RCCD1: variants seen among roughly 807,000 people sequenced by gnomAD.
RCCD1 encodes the protein RCC1 domain containing 1.
Under a neutral mutation model 37.6 loss-of-function variants are expected in RCCD1, and 40 were observed. That is an observed-to-expected ratio of 1.06 (90% CI 0.83 to 1.39). The LOEUF is 1.39. Ranked by LOEUF, RCCD1 falls within the 40% of genes most tolerant of loss-of-function variation. The probability of loss-of-function intolerance (pLI) is 0.00; values close to 1 mark genes in which losing one functional copy is unlikely to be tolerated. For missense variants in RCCD1, 577 were observed against 517.3 expected (o/e 1.12, Z -1.12); for synonymous variants, 263 against 230.0 (o/e 1.14, Z -1.30).
intron 5 of RCCD1, 93 bp from the exon 6 acceptor site, chr15:90,960,235 G>A: frequency 8.4e-6 from 11 of 1,309,998 alleles, no homozygotes; most frequent in Non-Finnish European, 1.2e-5. Context: ...AGGCAGTCGT[G>A]TACCTCAGAG....
intron 4 of RCCD1, 50 bp downstream of exon 4, chr15:90,957,775 TTCC>T: frequency 6.5e-7 from 1 of 1,542,140 alleles, no homozygotes; most frequent in Non-Finnish European, 8.8e-7. Flanking sequence ...TGTGCAAACC[TTCC>T]TCCTCGTTTT....
At chr15:90,957,090 C>T (rs2037211918) in intron 2 of RCCD1, 23 bp from the exon 3 acceptor site, 6 of 1,337,982 alleles carry the variant, frequency 4.5e-6, no homozygotes, top group South Asian at 4.0e-5. Context: ...ATTCTGGCCA[C>T]CCTGCTCCAA....
At chr15:90,960,047 C>A in intron 5 of RCCD1, 49 bp downstream of exon 5, 1 of 1,427,800 alleles carries the variant, frequency 7.0e-7, no homozygotes, top group South Asian at 1.2e-5. Context: ...ATGTGGCTGT[C>A]ATTCCTAACT....
chr15:90,959,736 T>G, intron 4 of RCCD1, 164 bp from the exon 5 acceptor site: 1 of 522,798 alleles, frequency 1.9e-6, no homozygotes, highest in Non-Finnish European at 3.4e-6. Flanking sequence ...GATGTGAACC[T>G]AAGACAAGCC....
In RCCD1 at chr15:90,962,967, A is replaced by G. The variant is rs1283061440; in HGVS notation, c.*1198A>G. 6.6e-6 allele frequency: 1 copy of G among 152,206 alleles called. No homozygotes were observed. The highest frequency in any genetic ancestry group is 2.4e-5 in the African/African-American group (1 of 41,450). 9.4% of individuals were successfully genotyped at this position (152,206 alleles called of 1,614,324 possible). A position where few individuals can be genotyped will look rare whatever the true frequency, so the allele number is the denominator to read the frequency against. On this transcript the variant is annotated 3_prime_UTR_variant, in exon 8 of 8. Transcript: ENST00000394258. ...CAACTTATTTTGATAAAATAAGCTTATCAGTAGTTTTCTTTATAGTTAAAT... is the reference window on the plus strand; with the variant it reads ...CAACTTATTTTGATAAAATAAGCTTGTCAGTAGTTTTCTTTATAGTTAAAT...
chr15:90,957,303 C>T lies in RCCD1; in HGVS notation c.357C>T (p.Ala119=). 30 of 1,534,584 alleles carry T rather than the reference C, an allele frequency of 2.0e-5. No homozygotes were observed. Among genetic ancestry groups the T allele is most frequent in the Non-Finnish European group, 2.5e-5 (29 of 1,138,110 alleles). The change falls in exon 3 of 8, where the codon GCC becomes GCT. Residue 119 remains alanine (A), a synonymous_variant. Coordinates refer to ENST00000394258, the MANE Select transcript of RCCD1 (RefSeq NM_001017919.2). ...PLWAQNVVPE[A]EGEDDPAGEA... is the part of the protein sequence containing the mutation. Reference sequence around the variant, plus strand: ...GGGCCCAGAATGTGGTGCCCGAGGCCGAAGGGGAAGACGATCCGGCCGGTG... The same window carrying T: ...GGGCCCAGAATGTGGTGCCCGAGGCTGAAGGGGAAGACGATCCGGCCGGTG...
At position 90,961,938 on chromosome 15, in the gene RCCD1, C is replaced by T; in HGVS notation, c.*169C>T. ...CTGCACTTTAGAAACACCTGGAGAG[C>T]ATTGAAAACTCTGCTGCCTAAGGTC... On this transcript the variant is annotated 3_prime_UTR_variant, in exon 8 of 8. Transcript: ENST00000394258. The T allele has an allele frequency of 3.9e-6, 2 of 513,640 alleles. No individual in the cohort carries two copies. The highest frequency in any genetic ancestry group is 6.7e-6 in the Non-Finnish European group (2 of 296,982). 31.8% of individuals were successfully genotyped at this position (513,640 alleles called of 1,614,324 possible).
At position 90,961,707 on chromosome 15, in the gene RCCD1, A is replaced by G. The variant is rs757941116; in HGVS notation, c.1069A>G (p.Lys357Glu). 5.0e-6 allele frequency: 8 copies of G among 1,614,082 alleles called. No homozygotes were observed. Among genetic ancestry groups the G allele is most frequent in the South Asian group, 4.4e-5 (4 of 91,088 alleles). Residue 357 changes from lysine (K) to glutamate (E), a missense_variant, in exon 8 of 8, where the codon AAG becomes GAG. Transcript: ENST00000394258. The part of the protein sequence containing the change: ...EYFVDKQLQV[K>E]AVTCGPWNTY... The stretch of plus-strand genomic sequence containing the variant: ...CTTTGTAGATAAGCAACTCCAAGTA[A>G]AGGCTGTCACCTGTGGGCCGTGGAA...
At chr15:90,961,320 T>TA (rs2037310368) in intron 7 of RCCD1, 1 of 583,522 alleles carries the variant, frequency 1.7e-6, no homozygotes. Flanking sequence ...AACCAGCACT[T>TA]ACAAAGCAGC....
intron 4 of RCCD1, 72 bp from the exon 5 acceptor site, chr15:90,959,828 G>A (rs71409374): frequency 0.052 from 62,511 of 1,191,956 alleles, 1,882 homozygotes; most frequent in South Asian, 0.065. Flanking sequence ...GAGCGGATGC[G>A]ATGGGGAGGA....
chr15:90,957,199 G>C lies in RCCD1; in HGVS notation c.253G>C (p.Val85Leu). 1 of 1,404,398 alleles carries C rather than the reference G, an allele frequency of 7.1e-7. No homozygotes were observed. The allele number at this position is 1,404,398 out of a possible 1,614,324, so 87.0% of individuals were successfully genotyped here. Residue 85 changes from valine to leucine, a missense_variant, in exon 3 of 8, where the codon GTG becomes CTG. Val to Leu is a conservative substitution (Grantham distance 32). Transcript: ENST00000394258. ...DAWASEGLLA[V>L]LRAGPGPEAL... ...GTGGGCCTCGGAGGGGCTCCTCGCGGTGCTGCGCGCCGGGCCGGGGCCGGA... is the reference window on the plus strand; with the variant it reads ...GTGGGCCTCGGAGGGGCTCCTCGCGCTGCTGCGCGCCGGGCCGGGGCCGGA...
At chr15:90,961,170 C>T (rs1175464523) in intron 7 of RCCD1, 116 bp downstream of exon 7, 1 of 1,007,186 alleles carries the variant, frequency 9.9e-7, no homozygotes, top group Admixed American at 2.1e-5. Context: ...GGCCAGGTCA[C>T]TGGGAGGAAC....
chr15:90,959,725 G>A (rs554991490), intron 4 of RCCD1, 175 bp from the exon 5 acceptor site: 9 of 494,438 alleles, frequency 1.8e-5, no homozygotes, highest in African/African-American at 1.2e-4. Flanking sequence ...GGCATTGAGG[G>A]GATGTGAACC....
chr15:90,956,673 C>G lies in RCCD1; in HGVS notation c.-62C>G. ...GCCAGTGTCCCACTAGCGGGCTCTT[C>G]GCAAGAATCCCCCCGGGCCCGCCGC... On this transcript the variant is annotated 5_prime_UTR_variant, in exon 2 of 8. Transcript: ENST00000394258. 8.1e-7 allele frequency: 1 copy of G among 1,236,022 alleles called. No individual in the cohort carries two copies. Among genetic ancestry groups the G allele is most frequent in the Non-Finnish European group, 1.0e-6 (1 of 988,374 alleles). 76.6% of individuals were successfully genotyped at this position (1,236,022 alleles called of 1,614,324 possible).
At chr15:90,959,749 T>C in intron 4 of RCCD1, 151 bp from the exon 5 acceptor site, 1 of 549,822 alleles carries the variant, frequency 1.8e-6, no homozygotes, top group Non-Finnish European at 3.2e-6. Context: ...GACAAGCCCC[T>C]GGGGCCCGAG....
rs2037345055 is a variant in RCCD1, at chr15:90,963,032, T to C, written c.*1263T>C. 1 of 152,222 alleles carries C rather than the reference T, an allele frequency of 6.6e-6. No individual in the cohort carries two copies. The highest frequency in any genetic ancestry group is 2.4e-5 in the African/African-American group (1 of 41,454). 9.4% of individuals were successfully genotyped at this position (152,222 alleles called of 1,614,324 possible). A position where few individuals can be genotyped will look rare whatever the true frequency, so the allele number is the denominator to read the frequency against. On this transcript the variant is annotated 3_prime_UTR_variant, in exon 8 of 8. Transcript: ENST00000394258. ...TGTGTGTCTGTGGTTTAGCAAATGT[T>C]TCCCACCCATGGGGTCTTTTTTATT...
At position 90,960,369 on chromosome 15, in the gene RCCD1, G is replaced by A. The variant is rs964561311; in HGVS notation, c.820G>A (p.Gly274Ser). ...AGATGGTTCTCAGGTGAAGAGAACG[G>A]GTGGGGCTGAGGATGGAGCCCCTGC... The part of the protein sequence containing the change: ...NEDGSQVKRT[G>S]GAEDGAPAPF... Residue 274 changes from glycine (G) to serine (S), a missense_variant, in exon 6 of 8, where the codon GGT (glycine) becomes AGT (serine). Physicochemically the swap from Gly to Ser is moderately conservative, Grantham distance 56. Transcript: ENST00000394258. 1.2e-6 allele frequency: 2 copies of A among 1,613,398 alleles called. No homozygotes were observed. Among genetic ancestry groups the A allele is most frequent in the Admixed American group, 3.3e-5 (2 of 59,904 alleles).
Position 90,956,603 on chromosome 15 carries a change from A to G in RCCD1, c.-123-9A>G. The G allele has an allele frequency of 2.3e-6, 2 of 885,508 alleles. No homozygotes were observed. The highest frequency in any genetic ancestry group is 3.0e-6 in the Non-Finnish European group (2 of 672,976). 54.9% of individuals were successfully genotyped at this position (885,508 alleles called of 1,614,324 possible). On this transcript the variant is annotated splice_polypyrimidine_tract_variant and intron_variant, in intron 1 of 7. Transcript: ENST00000394258. ...TGGTCGGGAGAATGATAGTTTCTCC[A>G]TTTTACAGATAAGGCAGCTCCAGCC... is the stretch of plus-strand genomic sequence containing the variant.
chr15:90,959,789 T>C, intron 4 of RCCD1, 111 bp from the exon 5 acceptor site: 6 of 806,344 alleles, frequency 7.4e-6, no homozygotes, highest in Non-Finnish European at 1.2e-5. Context: ...AGTGCTACCT[T>C]GGGCAGGGCA....
Sources: gnomAD v4.1 joint callset for allele counts on GRCh38, gnomAD v4.1.1 for gene constraint, MANE v1.5 for transcripts, NCBI Gene and HGNC (gene_info 2026-07-23, HGNC 2026-07-21) for gene names.